NEO1: variants seen among roughly 807,000 people sequenced by gnomAD.
The protein encoded by NEO1 is neogenin 1.
NEO1 carries 63 observed loss-of-function variants against 159.7 expected under a neutral mutation model. The observed-to-expected ratio is 0.39, with a 90% CI of 0.32 to 0.49. NEO1 has a LOEUF of 0.49. Ranked by LOEUF, NEO1 falls within the 20% of genes least tolerant of loss-of-function variation. The pLI is 0.85. For missense variants in NEO1, 1,615 were observed against 1,831.0 expected, an observed-to-expected ratio of 0.88 and a Z score of 2.15; for synonymous variants, 633 against 662.0, an observed-to-expected ratio of 0.96 and a Z score of 0.67.
intron 1 of NEO1, among the ~76,000 whole-genome samples, chr15:73,053,089 C>A (rs563574673): frequency 6.6e-6 from 1 of 152,218 alleles, no homozygotes; most frequent in South Asian, 2.1e-4. Context: ...TCTCTCCCCT[C>A]CCCCAGGCTC....
intron 7 of NEO1, among the ~76,000 whole-genome samples, chr15:73,220,306 C>T (rs1469588130): frequency 6.6e-6 from 1 of 152,196 alleles, no homozygotes; most frequent in Non-Finnish European, 1.5e-5. Context: ...CACTGTTAGT[C>T]TGATGGGCTT....
intron 2 of NEO1, among the ~76,000 whole-genome samples, chr15:73,120,137 TA>T (rs577070083): frequency 6.6e-6 from 1 of 151,462 alleles, no homozygotes; most frequent in Non-Finnish European, 1.5e-5. Context: ...CTCTGTCTCA[TA>T]AAAAAAATTA....
intron 7 of NEO1, among the ~76,000 whole-genome samples, chr15:73,179,348 G>C (rs2035468640): frequency 6.6e-6 from 1 of 152,148 alleles, no homozygotes; most frequent in Non-Finnish European, 1.5e-5. Flanking sequence ...GTTGGAGAGG[G>C]TGTAACCATG....
chr15:73,155,346 A>G (rs956687367), intron 5 of NEO1, among the ~76,000 whole-genome samples: 5 of 152,066 alleles, frequency 3.3e-5, no homozygotes, highest in African/African-American at 1.2e-4. Context: ...GGTTTTCTTT[A>G]TAGGTAACTA....
At chr15:73,192,257 A>T (rs1356549453) in intron 7 of NEO1, among the ~76,000 whole-genome samples, 1 of 147,956 alleles carries the variant, frequency 6.8e-6, no homozygotes, top group Non-Finnish European at 1.5e-5. Flanking sequence ...TTACACATAC[A>T]TATACACATA....
intron 5 of NEO1, among the ~76,000 whole-genome samples, chr15:73,163,678 G>C (rs1272777996): frequency 6.6e-6 from 1 of 152,180 alleles, no homozygotes; most frequent in Non-Finnish European, 1.5e-5. Flanking sequence ...CCGATTCAGA[G>C]GGTTTGGGGT....
intron 10 of NEO1, 147 bp downstream of exon 10, chr15:73,249,355 C>A: frequency 1.9e-6 from 2 of 1,062,632 alleles, no homozygotes; most frequent in Non-Finnish European, 1.3e-6. Flanking sequence ...TTTCTTTGTA[C>A]CAAGATTTAT....
At chr15:73,289,523 C>A (rs936450172) in intron 25 of NEO1, among the ~76,000 whole-genome samples, 2 of 152,188 alleles carry the variant, frequency 1.3e-5, no homozygotes, top group Non-Finnish European at 2.9e-5. Context: ...CATCATATCT[C>A]TATGGGAGAG....
chr15:73,240,375 G>T (rs1036247684), intron 8 of NEO1, among the ~76,000 whole-genome samples: 3 of 152,210 alleles, frequency 2.0e-5, no homozygotes, highest in African/African-American at 7.2e-5. Flanking sequence ...CATGACTAGT[G>T]TATGTAAAGG....
chr15:73,052,758 C>T lies in NEO1; in HGVS notation c.83C>T (p.Ala28Val), dbSNP rs1595872547. 1.6e-6 allele frequency: 2 copies of T among 1,266,676 alleles called. No individual in the cohort carries two copies. The highest frequency in any genetic ancestry group is 3.2e-5 in the African/African-American group (2 of 63,052). 78.5% of individuals were successfully genotyped at this position (1,266,676 alleles called of 1,614,324 possible). The change falls in exon 1 of 29, where the codon GCG becomes GTG. Residue 28 changes from alanine (A) to valine (V), a missense_variant. Ala to Val is a moderately conservative substitution (Grantham distance 64). Around this residue, in one of 3 missense-constraint regions of NEO1, gnomAD observed 1,018 missense variants for 1,115.4 expected, o/e 0.91. Coordinates refer to ENST00000261908, the MANE Select transcript of NEO1 (RefSeq NM_002499.4). ...LYCLLLLGRRAPGAAAARSGS... is the reference protein window; with the variant it reads ...LYCLLLLGRRVPGAAAARSGS... Reference sequence around the variant, plus strand: ...TGCCTGCTGCTGCTCGGGCGCCGGGCGCCGGGCGCCGCGGCCGCCAGGAGC... The same window carrying T: ...TGCCTGCTGCTGCTCGGGCGCCGGGTGCCGGGCGCCGCGGCCGCCAGGAGC...
intron 25 of NEO1, among the ~76,000 whole-genome samples, chr15:73,289,611 A>G (rs1055168964): frequency 2.6e-5 from 4 of 152,154 alleles, no homozygotes; most frequent in East Asian, 3.9e-4. Flanking sequence ...GCCTGACACC[A>G]GTGCTGATGA....
intron 7 of NEO1, among the ~76,000 whole-genome samples, chr15:73,230,375 G>C (rs1034151549): frequency 2.0e-5 from 3 of 151,860 alleles, no homozygotes; most frequent in Non-Finnish European, 4.4e-5. Flanking sequence ...TTATCTGTAG[G>C]GTTGGTAGTA....
intron 5 of NEO1, among the ~76,000 whole-genome samples, chr15:73,167,470 G>T (rs1596231674): frequency 6.6e-6 from 1 of 152,130 alleles, no homozygotes; most frequent in East Asian, 1.9e-4. Flanking sequence ...CCATGCTGGG[G>T]GCGGGGGAGG....
chr15:73,142,695 TA>T (rs2032511248), intron 5 of NEO1, among the ~76,000 whole-genome samples: 1 of 152,208 alleles, frequency 6.6e-6, no homozygotes, highest in Non-Finnish European at 1.5e-5. Flanking sequence ...GTAGGGCTTT[TA>T]ATTTAACCGA....
intron 16 of NEO1, among the ~76,000 whole-genome samples, chr15:73,269,045 GA>G (rs2041047396): frequency 6.6e-6 from 1 of 152,172 alleles, no homozygotes; most frequent in Admixed American, 6.5e-5. Flanking sequence ...CCTGAAGGAA[GA>G]GTACACCCTT....
chr15:73,244,932 G>A, intron 9 of NEO1, among the ~76,000 whole-genome samples: 1 of 104,298 alleles, frequency 9.6e-6, no homozygotes, highest in African/African-American at 3.7e-5. Context: ...TCCAGTCTGG[G>A]TGACAGAGTG....
chr15:73,198,157 A>G (rs948074487), intron 7 of NEO1, among the ~76,000 whole-genome samples: 1 of 151,904 alleles, frequency 6.6e-6, no homozygotes, highest in African/African-American at 2.4e-5. Context: ...TAAAAATTCA[A>G]CGTATTTAGC....
At chr15:73,068,203 A>G (rs1486463024) in intron 1 of NEO1, among the ~76,000 whole-genome samples, 2 of 126,228 alleles carry the variant, frequency 1.6e-5, no homozygotes, top group Non-Finnish European at 3.4e-5. Flanking sequence ...AGCCTCCTGT[A>G]TTTTTGTTTT....
At chr15:73,092,334 A>G (rs950355582) in intron 1 of NEO1, among the ~76,000 whole-genome samples, 1 of 152,308 alleles carries the variant, frequency 6.6e-6, no homozygotes, top group Middle Eastern at 3.4e-3. Context: ...CTTTATTTTA[A>G]AGCTCACCTG....
Sources: gnomAD v4.1 joint callset for allele counts (sites outside exome capture counted in the v4.1 genomes callset) on GRCh38, gnomAD v4.1.1 for gene constraint, gnomAD v4.1.1 regional missense constraint, MANE v1.5 for transcripts, NCBI Gene and HGNC (gene_info 2026-07-23, HGNC 2026-07-21) for gene names.